The following TRMT9B variants were observed in gnomAD, a reference collection of about 807,000 sequenced individuals.
TRMT9B encodes tRNA methyltransferase 9B (putative), also known as probable tRNA methyltransferase 9B.
TRMT9B carries 16 observed loss-of-function variants against 11.5 expected under a neutral mutation model. The ratio of observed to expected loss-of-function variants is 1.39; its 90% CI spans 0.94 to 2.11. TRMT9B has a LOEUF of 2.11. Among genes scored for constraint, TRMT9B ranks in the 30% most tolerant of loss-of-function variants. The pLI is 0.00. For synonymous variants in TRMT9B, 274 were observed against 192.4 expected, an observed-to-expected ratio of 1.42 and a Z score of -3.51; for missense variants, 941 against 553.8, an observed-to-expected ratio of 1.70 and a Z score of -7.02.
chr8:12,973,115 T>C (rs868722156), intron 1 of TRMT9B, among the ~76,000 whole-genome samples: 2 of 152,354 alleles, frequency 1.3e-5, no homozygotes, highest in African/African-American at 2.4e-5. Context: ...CTTATTTCAC[T>C]GAGCATAATG....
At chr8:12,949,313 A>C (rs1800424346) in intron 1 of TRMT9B, among the ~76,000 whole-genome samples, 1 of 152,146 alleles carries the variant, frequency 6.6e-6, no homozygotes, top group Non-Finnish European at 1.5e-5. Flanking sequence ...TAATGCAATA[A>C]ACCCCCATGT....
At chr8:12,952,914 A>G (rs1390372024) in intron 1 of TRMT9B, among the ~76,000 whole-genome samples, 6 of 151,918 alleles carry the variant, frequency 3.9e-5, no homozygotes, top group Non-Finnish European at 7.4e-5. Context: ...TAATTTTTGT[A>G]TTTTTACTAG....
At chr8:12,960,874 G>T (rs867361844) in intron 1 of TRMT9B, among the ~76,000 whole-genome samples, 1 of 152,156 alleles carries the variant, frequency 6.6e-6, no homozygotes, top group South Asian at 2.1e-4. Flanking sequence ...TGGGCGCGGT[G>T]GCTCACACCT....
Position 13,026,924 on chromosome 8 carries a change from T to A in TRMT9B, c.*4880T>A, listed in dbSNP as rs962953810. 22 of 167,112 alleles carry A rather than the reference T, an allele frequency of 1.3e-4. No individual in the cohort carries two copies. The highest frequency in any genetic ancestry group is 2.3e-4 in the Non-Finnish European group (16 of 68,114). 10.4% of individuals were successfully genotyped at this position (167,112 alleles called of 1,614,324 possible). A position where few individuals can be genotyped will look rare whatever the true frequency, so the allele number is the denominator to read the frequency against. ...ATTACACAGCTAGACAATAATTCAA[T>A]AGTAGTCTCTTACATATTTTCCCTT... On this transcript the variant is annotated 3_prime_UTR_variant, in exon 5 of 5. Coordinates refer to ENST00000524591, the MANE Select transcript of TRMT9B (RefSeq NM_020844.3).
chr8:13,007,164 A>G (rs1288716313), intron 3 of TRMT9B: 2 of 152,248 alleles, frequency 1.3e-5, no homozygotes, highest in African/African-American at 4.8e-5. Context: ...CATGCCTTCT[A>G]TAGAATTGTG....
Position 13,012,769 on chromosome 8 carries a change from C to T in TRMT9B, c.240C>T (p.Ala80=), listed in dbSNP as rs372421670. Reference sequence around the variant, plus strand: ...ACTGTGGGCCACTGGTAGAGATTGCCCGGAATAGAGGATGTGAAGCCATGG... The same window carrying T: ...ACTGTGGGCCACTGGTAGAGATTGCTCGGAATAGAGGATGTGAAGCCATGG... The part of the protein sequence containing the change: ...CDYCGPLVEI[A]RNRGCEAMVC... Residue 80 remains alanine, a synonymous_variant, in exon 4 of 5, where the codon GCC becomes GCT. Coordinates refer to ENST00000524591, the MANE Select transcript of TRMT9B (RefSeq NM_020844.3). The T allele has an allele frequency of 1.0e-3, 1,607 of 1,613,756 alleles. 2 individuals carry two copies. Among genetic ancestry groups the T allele is most frequent in the Non-Finnish European group, 1.3e-3 (1,535 of 1,179,870 alleles).
chr8:12,992,694 T>C (rs1486237190), intron 2 of TRMT9B, among the ~76,000 whole-genome samples: 5 of 148,652 alleles, frequency 3.4e-5, no homozygotes, highest in African/African-American at 1.2e-4. Flanking sequence ...TCTACTAAAA[T>C]ACAAAAAAAG....
chr8:12,979,503 G>A (rs1432311163), intron 1 of TRMT9B, among the ~76,000 whole-genome samples: 2 of 152,020 alleles, frequency 1.3e-5, no homozygotes, highest in Non-Finnish European at 2.9e-5. Context: ...AAAAATAAAG[G>A]TTTGTGTTTC....
At chr8:12,972,103 A>C (rs980916961) in intron 1 of TRMT9B, among the ~76,000 whole-genome samples, 2 of 152,226 alleles carry the variant, frequency 1.3e-5, no homozygotes, top group African/African-American at 4.8e-5. Context: ...GAGAAAATTT[A>C]ATATAAGGAA....
chr8:12,991,032 G>A lies in TRMT9B; in HGVS notation c.-2+1G>A. ...TTCCTGTAATCACAGGATGACTCAG[G>A]TTAGTAGCTTTCAGCGCTTCTGCAA... On this transcript the variant is annotated splice_donor_variant, in intron 2 of 4. Transcript: ENST00000524591. LOFTEE classifies it low-confidence loss of function (5UTR_SPLICE). 8.2e-7 allele frequency: 1 copy of A among 1,223,034 alleles called. No individual in the cohort carries two copies. The highest frequency in any genetic ancestry group is 1.0e-6 in the Non-Finnish European group (1 of 953,692). 75.8% of individuals were successfully genotyped at this position (1,223,034 alleles called of 1,614,324 possible).
intron 1 of TRMT9B, among the ~76,000 whole-genome samples, chr8:12,988,786 AT>A (rs955160949): frequency 6.6e-6 from 1 of 152,156 alleles, no homozygotes; most frequent in African/African-American, 2.4e-5. Context: ...CAGCCAAACC[AT>A]ATCAATTCTA....
chr8:12,975,367 C>A lies in TRMT9B; in HGVS notation c.-199-15467C>A, dbSNP rs142696113. ...ATTGTTGAACATATATAGACTGACCCCAGAATAAAATTTAGAACTTATTAA... is the reference window on the plus strand; with the variant it reads ...ATTGTTGAACATATATAGACTGACCACAGAATAAAATTTAGAACTTATTAA... On this transcript the variant is annotated intron_variant, in intron 1 of 4. Coordinates refer to ENST00000524591, the MANE Select transcript of TRMT9B (RefSeq NM_020844.3). 3.6e-3 allele frequency among the ~76,000 whole-genome samples: 548 copies of A among 152,058 alleles called. 11 individuals are homozygous for A. Among genetic ancestry groups the A allele is most frequent in the Admixed American group, 0.031 (480 of 15,258 alleles).
intron 4 of TRMT9B, among the ~76,000 whole-genome samples, chr8:13,019,478 G>A (rs1461159536): frequency 6.6e-6 from 1 of 152,144 alleles, no homozygotes; most frequent in East Asian, 1.9e-4. Context: ...ATTTTTTGTA[G>A]AGATGGGGTT....
intron 4 of TRMT9B, among the ~76,000 whole-genome samples, chr8:13,015,056 C>G (rs1008136437): frequency 1.4e-5 from 2 of 139,092 alleles, no homozygotes; most frequent in African/African-American, 2.8e-5. Flanking sequence ...GAGACTCCAT[C>G]TGAAATAAAT....
chr8:13,005,863 T>C (rs1005148441), intron 2 of TRMT9B, among the ~76,000 whole-genome samples: 1 of 152,226 alleles, frequency 6.6e-6, no homozygotes, highest in South Asian at 2.1e-4. Context: ...TAGCATCAGA[T>C]ACAATGGTCT....
intron 4 of TRMT9B, among the ~76,000 whole-genome samples, chr8:13,018,983 GAAGA>G (rs1387465887): frequency 5.3e-5 from 8 of 151,158 alleles, no homozygotes; most frequent in Non-Finnish European, 5.9e-5. Flanking sequence ...GTTGAAATAA[GAAGA>G]AAGAACATTA....
In TRMT9B at chr8:13,021,978, C is replaced by T; in HGVS notation, c.1299C>T (p.Ile433=). ...AGGAGAATGTGTCAGAGCTCCGTAT[C>T]CTGAGTTCTGGGAATGATCATGGTA... The part of the protein sequence containing the change: ...LLKENVSELR[I]LSSGNDHGNW... Residue 433 remains isoleucine, a synonymous_variant, in exon 5 of 5, where the codon ATC becomes ATT. Transcript: ENST00000524591. 3.1e-6 allele frequency: 5 copies of T among 1,613,106 alleles called. No homozygotes were observed. Among genetic ancestry groups the T allele is most frequent in the Non-Finnish European group, 4.2e-6 (5 of 1,179,622 alleles).
chr8:12,994,659 T>G (rs1033517482), intron 2 of TRMT9B, among the ~76,000 whole-genome samples: 1 of 152,218 alleles, frequency 6.6e-6, no homozygotes, highest in South Asian at 2.1e-4. Context: ...GCAAGTGCAA[T>G]TTAAACGACA....
intron 1 of TRMT9B, among the ~76,000 whole-genome samples, chr8:12,972,686 A>G (rs935173838): frequency 6.6e-6 from 1 of 152,026 alleles, no homozygotes; most frequent in Admixed American, 6.6e-5. Flanking sequence ...GAGTGTTTGG[A>G]GGGGAGAGAC....
Sources: allele counts gnomAD v4.1 joint callset (sites outside exome capture counted in the v4.1 genomes callset), GRCh38; gene constraint gnomAD v4.1.1; transcripts MANE v1.5; gene names NCBI Gene and HGNC (gene_info 2026-07-23, HGNC 2026-07-21).